MARCHF1: variants seen among roughly 807,000 people sequenced by gnomAD.
The protein encoded by MARCHF1 is E3 ubiquitin-protein ligase MARCHF1.
MARCHF1 carries 40 observed loss-of-function variants against 54.2 expected under a neutral mutation model. The ratio of observed to expected loss-of-function variants is 0.74; its 90% CI spans 0.57 to 0.96. The LOEUF (loss-of-function observed/expected upper bound fraction) is 0.96, where lower values mean the gene tolerates loss of function less well. Among genes scored for constraint, MARCHF1 ranks in the 40% least tolerant of loss-of-function variants. The pLI is 0.00. For synonymous variants in MARCHF1, 236 were observed against 236.3 expected, an observed-to-expected ratio of 1.00 and a Z score of 0.01; for missense variants, 586 against 656.5, an observed-to-expected ratio of 0.89 and a Z score of 1.17.
At chr4:163,925,497 C>T (rs1020454088) in intron 3 of MARCHF1, among the ~76,000 whole-genome samples, 1 of 151,814 alleles carries the variant, frequency 6.6e-6, no homozygotes, top group African/African-American at 2.4e-5. Context: ...TGTTACATTA[C>T]TACTTGTATT....
In MARCHF1 at chr4:163,633,232, C is replaced by T. The variant is rs556713514; in HGVS notation, c.163-19839G>A. Among the ~76,000 whole-genome samples the T allele has an allele frequency of 3.9e-4, 59 of 152,318 alleles. No individual in the cohort carries two copies. The East Asian group carries it at 0.011, about 29-fold the overall frequency. On this transcript the variant is annotated intron_variant, in intron 5 of 9. Transcript: ENST00000514618. ...ACTCAGCTCCTCACCAGCAACGGAA[C>T]AAAGCTGGACGGAGAATGACTTTGA...
chr4:164,217,256 C>T (rs1370155247), intron 1 of MARCHF1, among the ~76,000 whole-genome samples: 2 of 152,152 alleles, frequency 1.3e-5, no homozygotes, highest in African/African-American at 2.4e-5. Flanking sequence ...CTTCCCCAAA[C>T]AATTTTGAAA....
chr4:164,192,684 T>C lies in MARCHF1; in HGVS notation c.-322-81022A>G, dbSNP rs116757082. Among the ~76,000 whole-genome samples, 855 of 152,324 alleles carry C rather than the reference T, an allele frequency of 5.6e-3. 7 individuals are homozygous for C. The highest frequency in any genetic ancestry group is 0.019 in the African/African-American group (809 of 41,564). ...TATTTCTGTAGTAATATTGGATTTCTTCCCCCAAACAAGATAACAAAACAA... is the reference window on the plus strand; with the variant it reads ...TATTTCTGTAGTAATATTGGATTTCCTCCCCCAAACAAGATAACAAAACAA... On this transcript the variant is annotated intron_variant, in intron 1 of 9. Coordinates refer to ENST00000514618, the MANE Select transcript of MARCHF1 (RefSeq NM_001394959.1).
Position 163,697,618 on chromosome 4 carries a change from A to G in MARCHF1, c.162+3195T>C, listed in dbSNP as rs1744676868. 2.6e-5 allele frequency among the ~76,000 whole-genome samples: 4 copies of G among 152,318 alleles called. No homozygotes were observed. In the South Asian group the frequency reaches 8.3e-4, roughly 32 times the overall value. ...GGCAGGAAAGCAGACTTAGAAATAT[A>G]AAAGATAATCTTGCCATTCCATTCT... On this transcript the variant is annotated intron_variant, in intron 5 of 9. Coordinates refer to ENST00000514618, the MANE Select transcript of MARCHF1 (RefSeq NM_001394959.1).
chr4:163,943,838 C>T lies in MARCHF1; in HGVS notation c.-39+44663G>A, dbSNP rs1560830004. ...GAATTTAAACCAGGGCTTAAGGTGG[C>T]TACAAACAAGATTCACAGAATGTTA... On this transcript the variant is annotated intron_variant, in intron 3 of 9. Coordinates refer to ENST00000514618, the MANE Select transcript of MARCHF1 (RefSeq NM_001394959.1). 4.0e-5 allele frequency among the ~76,000 whole-genome samples: 6 copies of T among 151,626 alleles called. No homozygotes were observed. The East Asian group carries it at 1.2e-3, about 29-fold the overall frequency.
At chr4:164,346,604 GTATATATATATATATATATATA>G (rs56936775) in intron 1 of MARCHF1, among the ~76,000 whole-genome samples, 770 of 42,400 alleles carry the variant, frequency 0.018, 16 homozygotes, top group Middle Eastern at 0.088. Context: ...ATGTATGTAT[GTATATATATATATATATATATA>G]TATATATATA....
intron 1 of MARCHF1, among the ~76,000 whole-genome samples, chr4:164,335,840 C>G (rs1001461824): frequency 5.9e-5 from 9 of 152,020 alleles, no homozygotes; most frequent in Non-Finnish European, 8.8e-5. Flanking sequence ...TGCCAAAAAA[C>G]TTGTGTGACT....
At chr4:163,658,048 C>G (rs997265877) in intron 5 of MARCHF1, among the ~76,000 whole-genome samples, 1 of 151,468 alleles carries the variant, frequency 6.6e-6, no homozygotes, top group Admixed American at 6.6e-5. Flanking sequence ...GCGACAAAAG[C>G]TAAAATTGAT....
At chr4:163,739,159 C>T (rs1361310605) in intron 4 of MARCHF1, among the ~76,000 whole-genome samples, 1 of 152,142 alleles carries the variant, frequency 6.6e-6, no homozygotes, top group Non-Finnish European at 1.5e-5. Flanking sequence ...ACATGGAATG[C>T]ATATTTGTTC....
intron 4 of MARCHF1, among the ~76,000 whole-genome samples, chr4:163,796,834 C>A (rs1747932041): frequency 6.6e-6 from 1 of 152,078 alleles, no homozygotes; most frequent in Admixed American, 6.6e-5. Flanking sequence ...TCAAAATACT[C>A]ACCCTCATCC....
intron 1 of MARCHF1, among the ~76,000 whole-genome samples, chr4:164,334,532 A>G (rs1729676907): frequency 6.6e-6 from 1 of 152,010 alleles, no homozygotes; most frequent in Non-Finnish European, 1.5e-5. Flanking sequence ...TCAGAAAAAA[A>G]AAAATCCTTT....
intron 3 of MARCHF1, among the ~76,000 whole-genome samples, chr4:163,986,260 T>C (rs1237097205): frequency 1.4e-5 from 1 of 70,378 alleles, no homozygotes; most frequent in Non-Finnish European, 3.2e-5. Flanking sequence ...TTTTTTTTTT[T>C]TTTTTTTTTT....
chr4:163,936,737 A>G (rs1340086183), intron 3 of MARCHF1, among the ~76,000 whole-genome samples: 2 of 152,164 alleles, frequency 1.3e-5, no homozygotes, highest in Non-Finnish European at 2.9e-5. Flanking sequence ...GATTGTGTGA[A>G]ACACCATCTG....
At chr4:163,820,956 CT>C (rs1389162746) in intron 4 of MARCHF1, among the ~76,000 whole-genome samples, 1 of 151,964 alleles carries the variant, frequency 6.6e-6, no homozygotes, top group Non-Finnish European at 1.5e-5. Context: ...TAACTACCTG[CT>C]TAAAATTCCT....
chr4:164,157,369 C>T (rs751778468), intron 1 of MARCHF1, among the ~76,000 whole-genome samples: 7 of 152,038 alleles, frequency 4.6e-5, no homozygotes, highest in Non-Finnish European at 7.4e-5. Context: ...AAATATTTTT[C>T]CTTAAAAAAT....
rs563226766 is a variant in MARCHF1, at chr4:164,204,493, A to G, written c.-322-92831T>C. 2.0e-4 allele frequency among the ~76,000 whole-genome samples: 31 copies of G among 152,328 alleles called. No homozygotes were observed. The East Asian group carries it at 5.8e-3, about 28-fold the overall frequency. Reference sequence around the variant, plus strand: ...ATGAGCTTTTTACATTGTGTGAGTCACATTTTACTGTAAGTACAGAACATA... The same window carrying G: ...ATGAGCTTTTTACATTGTGTGAGTCGCATTTTACTGTAAGTACAGAACATA... On this transcript the variant is annotated intron_variant, in intron 1 of 9. Transcript: ENST00000514618.
At chr4:164,370,213 T>C (rs770394473) in intron 1 of MARCHF1, among the ~76,000 whole-genome samples, 2 of 152,082 alleles carry the variant, frequency 1.3e-5, no homozygotes, top group Non-Finnish European at 2.9e-5. Context: ...AAGAAAGATA[T>C]CACATCCAAA....
chr4:164,189,109 G>A (rs1232025080), intron 1 of MARCHF1: 16 of 661,044 alleles, frequency 2.4e-5, no homozygotes, highest in East Asian at 8.0e-5. Flanking sequence ...CTTCGGAGTC[G>A]TGGCCACTAA....
chr4:163,766,809 T>C (rs1746990430), intron 4 of MARCHF1, among the ~76,000 whole-genome samples: 2 of 152,182 alleles, frequency 1.3e-5, no homozygotes, highest in Admixed American at 6.5e-5. Flanking sequence ...CCTTTGGTAT[T>C]ATGAATGTTT....
Sources: gnomAD v4.1 joint callset for allele counts (sites outside exome capture counted in the v4.1 genomes callset) on GRCh38, gnomAD v4.1.1 for gene constraint, MANE v1.5 for transcripts, NCBI Gene and HGNC (gene_info 2026-07-23, HGNC 2026-07-21) for gene names.